COL20A1: variants seen among roughly 807,000 people sequenced by gnomAD.
COL20A1 encodes collagen type XX alpha 1 chain.
A neutral mutation model predicts 152.9 loss-of-function variants in COL20A1; 164 were observed. The observed-to-expected ratio is 1.07, with a 90% CI of 0.94 to 1.22. The LOEUF (loss-of-function observed/expected upper bound fraction) is 1.22, where lower values mean the gene tolerates loss of function less well. COL20A1 is among the 50% of genes most tolerant of loss of function. COL20A1 has a pLI of 0.00. For missense variants in COL20A1, 1,873 were observed against 1,744.8 expected, an observed-to-expected ratio of 1.07 and a Z score of -1.31; for synonymous variants, 864 against 756.0, an observed-to-expected ratio of 1.14 and a Z score of -2.34.
chr20:63,310,499 T>A lies in COL20A1; in HGVS notation c.1382T>A (p.Leu461Gln), dbSNP rs2067991637. The A allele has an allele frequency of 6.3e-7, 1 of 1,599,080 alleles. No individual in the cohort carries two copies. Among genetic ancestry groups the A allele is most frequent in the Non-Finnish European group, 8.5e-7 (1 of 1,173,644 alleles). ...EGGVGEGLRG[L>Q]VTTAPLPPPR... ...GGGGTTGGCGAAGGCCTGCGGGGCC[T>A]GGTGACCACAGGTAGGTGGGGCAGA... The change falls in exon 11 of 36, where the codon CTG becomes CAG. Residue 461 changes from leucine (L) to glutamine (Q), a missense_variant. By Grantham distance (113) the Leu-to-Gln change is moderately radical. Transcript: ENST00000358894.
rs6090347 is a variant in COL20A1, at chr20:63,295,956, G to A, written c.82+767G>A. 3.9e-5 allele frequency among the ~76,000 whole-genome samples: 6 copies of A among 152,384 alleles called. No homozygotes were observed. In the East Asian group the frequency reaches 9.6e-4, roughly 24 times the overall value. ...TCCCACTGAGCGATGGTTTTGTTCC[G>A]CTGGGGTGAAAGGCAGCTCCCCCTT... On this transcript the variant is annotated intron_variant, in intron 2 of 35. Transcript: ENST00000358894.
intron 34 of COL20A1, chr20:63,329,382 C>A (rs1427851930): frequency 5.1e-6 from 3 of 588,004 alleles, no homozygotes; most frequent in Admixed American, 3.0e-5. Flanking sequence ...CATGCCCCCC[C>A]AGAACTGTCA....
Position 63,310,472 on chromosome 20 carries a change from G to A in COL20A1, c.1355G>A (p.Gly452Asp), listed in dbSNP as rs1341798436. Residue 452 changes from glycine to aspartate, a missense_variant, in exon 11 of 36, where the codon GGC (glycine) becomes GAC (aspartate). Transcript: ENST00000358894. ...GTCTCCGTGTTCCCCATCTATGAGGGCGGGGTTGGCGAAGGCCTGCGGGGC... is the reference window on the plus strand; with the variant it reads ...GTCTCCGTGTTCCCCATCTATGAGGACGGGGTTGGCGAAGGCCTGCGGGGC... ...YLVSVFPIYEGGVGEGLRGLV... is the reference protein window; with the variant it reads ...YLVSVFPIYEDGVGEGLRGLV... The A allele has an allele frequency of 6.2e-7, 1 of 1,607,250 alleles. No individual in the cohort carries two copies. The highest frequency in any genetic ancestry group is 1.7e-5 in the Admixed American group (1 of 59,322).
At chr20:63,297,787 G>A (rs2067817037) in intron 2 of COL20A1, 123 bp from the exon 3 acceptor site, 1 of 711,556 alleles carries the variant, frequency 1.4e-6, no homozygotes, top group African/African-American at 1.8e-5. Context: ...TGTCTCTTCG[G>A]GGTCCCCCGG....
intron 11 of COL20A1, among the ~76,000 whole-genome samples, chr20:63,310,929 G>A (rs1044888820): frequency 1.3e-5 from 2 of 152,062 alleles, no homozygotes; most frequent in Non-Finnish European, 2.9e-5. Context: ...TACAACTCCA[G>A]TGGCTTTGGT....
Position 63,308,709 on chromosome 20 carries a change from G to A in COL20A1, c.940+3G>A. On this transcript the variant is annotated splice_donor_region_variant and intron_variant, in intron 8 of 35. Transcript: ENST00000358894. ...GGGCGTGAACGTCTTCGCTGTGGGTGAGCACCATGCGGCTCCCCCGGCCCT... is the reference window on the plus strand; with the variant it reads ...GGGCGTGAACGTCTTCGCTGTGGGTAAGCACCATGCGGCTCCCCCGGCCCT... 2 of 1,593,098 alleles carry A rather than the reference G, an allele frequency of 1.3e-6. No homozygotes were observed. The highest frequency in any genetic ancestry group is 1.7e-6 in the Non-Finnish European group (2 of 1,168,814).
Position 63,313,814 on chromosome 20 carries a change from T to C in COL20A1, c.2281T>C (p.Trp761Arg), listed in dbSNP as rs752091153. The C allele has an allele frequency of 2.5e-6, 4 of 1,611,122 alleles. No homozygotes were observed. In the African/African-American group the frequency reaches 5.3e-5, roughly 22 times the overall value. ...GACCCCCGACAGCCTGCAGGTCAGC[T>C]GGACGCCCCCGCTTGGCCGCGTGCT... The part of the protein sequence containing the change: ...SETPDSLQVS[W>R]TPPLGRVLHY... The change falls in exon 18 of 36, where the codon TGG becomes CGG. Residue 761 changes from tryptophan to arginine, a missense_variant. Physicochemically the swap from Trp to Arg is moderately radical, Grantham distance 101. Coordinates refer to ENST00000358894, the MANE Select transcript of COL20A1 (RefSeq NM_020882.4). This position sits in a 1 kb window ranked among gnomAD's most constrained non-coding sequence, Gnocchi z 5.9.
intron 30 of COL20A1, among the ~76,000 whole-genome samples, chr20:63,326,481 G>C (rs1391673024): frequency 6.6e-6 from 1 of 152,208 alleles, no homozygotes; most frequent in Non-Finnish European, 1.5e-5. Flanking sequence ...AGCCCAACTT[G>C]CAGTCACACT....
rs999829283 is a variant in COL20A1 at position 63,333,699 on chromosome 20, G to C, written c.*2983G>C. On this transcript the variant is annotated 3_prime_UTR_variant, in exon 36 of 36. Transcript: ENST00000358894. ...GGGAGGAATGTGTAGCAGGAGGCAG[G>C]GGGTGCTGTGCCCGCAGGACCAGCA... 6.6e-6 allele frequency: 1 copy of C among 151,422 alleles called. No homozygotes were observed. Among genetic ancestry groups the C allele is most frequent in the African/African-American group, 2.4e-5 (1 of 41,124 alleles). 9.4% of individuals were successfully genotyped at this position (151,422 alleles called of 1,614,324 possible). A position where few individuals can be genotyped will look rare whatever the true frequency, so the allele number is the denominator to read the frequency against.
intron 3 of COL20A1, among the ~76,000 whole-genome samples, chr20:63,298,249 G>C (rs1568762730): frequency 6.6e-6 from 1 of 152,198 alleles, no homozygotes; most frequent in Non-Finnish European, 1.5e-5. Context: ...CCCTGCAGAA[G>C]GCATTCAGTA....
rs557410720 is a variant in COL20A1 at position 63,328,257 on chromosome 20, T to G, written c.3614-74T>G. 122 of 1,552,176 alleles carry G rather than the reference T, an allele frequency of 7.9e-5. 1 individual carries two copies. In the East Asian group the frequency reaches 2.7e-3, roughly 34 times the overall value. On this transcript the variant is annotated intron_variant, in intron 33 of 35. Transcript: ENST00000358894. ...ATCGTTAGCACACCTGGGCCAGGTGTCCTGGCGTGGCCTGCACAGGCCTCG... is the reference window on the plus strand; with the variant it reads ...ATCGTTAGCACACCTGGGCCAGGTGGCCTGGCGTGGCCTGCACAGGCCTCG...
Position 63,313,092 on chromosome 20 carries a change from A to G in COL20A1, c.2077-25A>G, listed in dbSNP as rs764201725. 13 of 1,595,868 alleles carry G rather than the reference A, an allele frequency of 8.1e-6. No homozygotes were observed. Among genetic ancestry groups the G allele is most frequent in the Non-Finnish European group, 1.1e-5 (13 of 1,172,044 alleles). ...CCTGAGGACCCCACTGCACCCGGTG[A>G]CCCCTGGGGCTCTCCTCTCCCTAGA... is the stretch of plus-strand genomic sequence containing the variant. On this transcript the variant is annotated intron_variant, in intron 16 of 35. Coordinates refer to ENST00000358894, the MANE Select transcript of COL20A1 (RefSeq NM_020882.4). The surrounding 1 kb of genome is among the most constrained non-coding windows in gnomAD (Gnocchi z 5.9).
chr20:63,294,468 G>C (rs2067760816), intron 1 of COL20A1, among the ~76,000 whole-genome samples: 1 of 151,888 alleles, frequency 6.6e-6, no homozygotes, highest in Admixed American at 6.5e-5. Flanking sequence ...CCTCCTTGTA[G>C]CCCACTCAGC....
At chr20:63,329,310 C>T in intron 34 of COL20A1, 1 of 529,990 alleles carries the variant, frequency 1.9e-6, no homozygotes, top group Non-Finnish European at 3.4e-6. Flanking sequence ...CTGCACCCAC[C>T]TGTCTAGATG....
At chr20:63,328,555 C>G (rs772604818) in intron 34 of COL20A1, 57 bp downstream of exon 34, 2 of 1,511,488 alleles carry the variant, frequency 1.3e-6, no homozygotes, top group African/African-American at 2.8e-5. Flanking sequence ...CGCCGGTTGT[C>G]CCCTGGTCCT....
intron 34 of COL20A1, among the ~76,000 whole-genome samples, chr20:63,328,904 GCA>G (rs1568791836): frequency 6.9e-6 from 1 of 144,444 alleles, no homozygotes; most frequent in Admixed American, 6.9e-5. Flanking sequence ...CCCACCCAGC[GCA>G]CAGTCGCAGG....
chr20:63,330,082 C>G (rs756240147), intron 35 of COL20A1, among the ~76,000 whole-genome samples: 1 of 152,048 alleles, frequency 6.6e-6, no homozygotes, highest in Non-Finnish European at 1.5e-5. Flanking sequence ...CCAGGAGGGG[C>G]CTGTGAGGCC....
At chr20:63,318,578 C>T (rs1004874317) in intron 21 of COL20A1, among the ~76,000 whole-genome samples, 5 of 152,118 alleles carry the variant, frequency 3.3e-5, no homozygotes, top group African/African-American at 1.2e-4. Context: ...GCAGAGCTGC[C>T]TTTCAGTAGT....
chr20:63,301,643 C>G (rs2067864455), intron 3 of COL20A1, among the ~76,000 whole-genome samples: 1 of 152,122 alleles, frequency 6.6e-6, no homozygotes, highest in Non-Finnish European at 1.5e-5. Context: ...TAGGTTGACC[C>G]TTTTTCATTT....
Sources: gnomAD v4.1 joint callset for allele counts (sites outside exome capture counted in the v4.1 genomes callset) on GRCh38, gnomAD v4.1.1 for gene constraint, Gnocchi (gnomAD v3.1) non-coding constraint, MANE v1.5 for transcripts, NCBI Gene and HGNC (gene_info 2026-07-23, HGNC 2026-07-21) for gene names.